The following SH3PXD2A variants were observed in gnomAD, a reference collection of about 807,000 sequenced individuals.
SH3PXD2A encodes SH3 and PX domain-containing protein 2A.
SH3PXD2A carries 32 observed loss-of-function variants against 115.2 expected under a neutral mutation model. That is an observed-to-expected ratio of 0.28 (90% CI 0.21 to 0.37). The LOEUF is 0.37. SH3PXD2A is among the 10% of genes least tolerant of loss of function. The pLI is 1.00. For synonymous variants in SH3PXD2A, 610 were observed against 629.1 expected (o/e 0.97, Z 0.45); for missense variants, 1,328 against 1,498.7 (o/e 0.89, Z 1.88).
At chr10:103,854,908 C>G (rs1200962851) in intron 1 of SH3PXD2A, among the ~76,000 whole-genome samples, 1 of 152,216 alleles carries the variant, frequency 6.6e-6, no homozygotes, top group Non-Finnish European at 1.5e-5. Flanking sequence ...AAGCTCCCCC[C>G]ACCATCCATC....
intron 8 of SH3PXD2A, among the ~76,000 whole-genome samples, chr10:103,658,181 G>C (rs1009279942): frequency 6.6e-6 from 1 of 152,182 alleles, no homozygotes; most frequent in Admixed American, 6.5e-5. Flanking sequence ...AGCACAGAGG[G>C]GCTCTGATGA....
chr10:103,791,095 C>G (rs578262568), intron 2 of SH3PXD2A, among the ~76,000 whole-genome samples: 1 of 152,332 alleles, frequency 6.6e-6, no homozygotes, highest in East Asian at 1.9e-4. Context: ...AAATTTAGAG[C>G]CAATGAACAG....
intron 2 of SH3PXD2A, among the ~76,000 whole-genome samples, chr10:103,769,338 T>C (rs1349284580): frequency 6.6e-6 from 1 of 152,116 alleles, no homozygotes; most frequent in Non-Finnish European, 1.5e-5. Context: ...GGTGATTACA[T>C]TCAAAACAAG....
At chr10:103,659,088 C>T (rs2037253325) in intron 8 of SH3PXD2A, among the ~76,000 whole-genome samples, 1 of 152,226 alleles carries the variant, frequency 6.6e-6, no homozygotes, top group Non-Finnish European at 1.5e-5. Context: ...CAGGCATCTC[C>T]CCCTTTGTCA....
chr10:103,643,956 C>CA (rs901728736), intron 8 of SH3PXD2A, among the ~76,000 whole-genome samples: 13 of 150,148 alleles, frequency 8.7e-5, no homozygotes, highest in African/African-American at 2.4e-4. Flanking sequence ...CTAAAAAATA[C>CA]AAAAAAAAAT....
chr10:103,608,150 T>TAAAAAAAAAAAAAAAAAAAGTTTAAAA (rs1554903070), intron 13 of SH3PXD2A, among the ~76,000 whole-genome samples: 1 of 32,670 alleles, frequency 3.1e-5, no homozygotes, highest in Non-Finnish European at 4.5e-5. Flanking sequence ...ATGATCAATT[T>TAAAAAAAAAAAAAAAAAAAGTTTAAAA]AAAAAAAAAA....
At chr10:103,753,737 T>C (rs370580566) in intron 3 of SH3PXD2A, 1 of 152,220 alleles carries the variant, frequency 6.6e-6, no homozygotes, top group African/African-American at 2.4e-5. Flanking sequence ...GTAGTAGCTA[T>C]AATCCTTAAG....
intron 6 of SH3PXD2A, among the ~76,000 whole-genome samples, chr10:103,692,767 A>G (rs1339284941): frequency 6.6e-6 from 1 of 151,642 alleles, no homozygotes; most frequent in Non-Finnish European, 1.5e-5. Flanking sequence ...CCACCCCCAC[A>G]CCCACTAGGG....
rs879655 is a variant in SH3PXD2A, at chr10:103,666,921, A to G, written c.472+1687T>C. On this transcript the variant is annotated intron_variant, in intron 7 of 14. Coordinates refer to ENST00000369774, the MANE Select transcript of SH3PXD2A (RefSeq NM_001394015.1). The surrounding 1 kb of genome is among the most constrained non-coding windows in gnomAD (Gnocchi z 4.5). ...GGAGGCCGGGGGCTGTGTCCCTGCA[A>G]CATGCCCCTCCCAGACCCTACCTTC... Among the ~76,000 whole-genome samples the G allele has an allele frequency of 0.16, 24,368 of 152,092 alleles. 2,210 individuals carry two copies. The highest frequency in any genetic ancestry group is 0.21 in the Non-Finnish European group (13,995 of 67,960).
At chr10:103,690,746 C>T (rs1210055876) in intron 6 of SH3PXD2A, among the ~76,000 whole-genome samples, 6 of 152,150 alleles carry the variant, frequency 3.9e-5, no homozygotes, top group Admixed American at 1.3e-4. Context: ...ACATAATAAA[C>T]CATCACAAAA....
At chr10:103,616,961 T>C (rs2036527724) in intron 11 of SH3PXD2A, among the ~76,000 whole-genome samples, 1 of 152,300 alleles carries the variant, frequency 6.6e-6, no homozygotes, top group African/African-American at 2.4e-5. Context: ...CCGGGGCCTC[T>C]GTGCCCCGCT....
In SH3PXD2A at chr10:103,602,887, A is replaced by G. The variant is rs2036240459; in HGVS notation, c.2331T>C (p.Thr777=). 6.2e-7 allele frequency: 1 copy of G among 1,613,792 alleles called. No individual in the cohort carries two copies. Among genetic ancestry groups the G allele is most frequent in the African/African-American group, 1.3e-5 (1 of 74,916 alleles). The change falls in exon 15 of 15, where the codon ACT becomes ACC. Residue 777 remains threonine (T), a synonymous_variant. Transcript: ENST00000369774. ...CTGTGGGTCTCAGCTGGCGCCGTAA[A>G]GTGCTGATGTCCATCTTCTCTTGGC... ...SQSQEKMDIS[T]LRRQLRPTGQ...
At position 103,662,695 on chromosome 10, in the gene SH3PXD2A, G is replaced by A. The variant is rs562451995; in HGVS notation, c.473-1581C>T. Among the ~76,000 whole-genome samples the A allele has an allele frequency of 1.6e-3, 244 of 152,194 alleles. 2 individuals carry two copies. Among genetic ancestry groups the A allele is most frequent in the African/African-American group, 5.4e-3 (224 of 41,524 alleles). ...ATTACAGGCGTGAGCCACCGCGCCC[G>A]GCCTATGATGTGCTTTTAGCTAGGA... On this transcript the variant is annotated intron_variant, in intron 7 of 14. Coordinates refer to ENST00000369774, the MANE Select transcript of SH3PXD2A (RefSeq NM_001394015.1).
intron 1 of SH3PXD2A, among the ~76,000 whole-genome samples, chr10:103,805,889 G>A (rs764802826): frequency 4.6e-5 from 7 of 152,192 alleles, no homozygotes; most frequent in Non-Finnish European, 8.8e-5. Flanking sequence ...AAATTCACAC[G>A]AAGTCATCTC....
chr10:103,703,042 T>G, intron 5 of SH3PXD2A, among the ~76,000 whole-genome samples: 1 of 152,194 alleles, frequency 6.6e-6, no homozygotes, highest in East Asian at 1.9e-4. Flanking sequence ...TCCCCAGCCC[T>G]GGCCTAGTTT....
intron 4 of SH3PXD2A, among the ~76,000 whole-genome samples, chr10:103,733,083 A>C (rs2038341075): frequency 6.6e-6 from 1 of 152,044 alleles, no homozygotes; most frequent in Admixed American, 6.5e-5. Context: ...TCTCAGAGTA[A>C]ATCACCGCCT....
chr10:103,672,022 C>T (rs1423284575), intron 6 of SH3PXD2A, among the ~76,000 whole-genome samples: 3 of 152,216 alleles, frequency 2.0e-5, no homozygotes, highest in African/African-American at 7.2e-5. Flanking sequence ...GGCGGTGGCT[C>T]ACCCTGTAAT....
In SH3PXD2A at chr10:103,601,714, A is replaced by AC. The variant is rs1156310876; in HGVS notation, c.*101dup. 2.0e-5 allele frequency: 2 copies of AC among 100,854 alleles called. No homozygotes were observed. The highest frequency in any genetic ancestry group is 2.3e-4 in the East Asian group (1 of 4,370). The allele number at this position is 100,854 out of a possible 1,614,324, so 6.2% of individuals were successfully genotyped here. A position where few individuals can be genotyped will look rare whatever the true frequency, so the allele number is the denominator to read the frequency against. On this transcript the variant is annotated 3_prime_UTR_variant, in exon 15 of 15. Transcript: ENST00000369774. ...CAGTGTTGAATGTTGTCCACCCCCC[A>AC]CCCCCCACCCCCATTTTTTCCTTTC...
intron 6 of SH3PXD2A, among the ~76,000 whole-genome samples, chr10:103,691,783 A>G (rs577505931): frequency 6.6e-6 from 1 of 152,154 alleles, no homozygotes; most frequent in Non-Finnish European, 1.5e-5. Flanking sequence ...CCAAACAAGT[A>G]AACATACCCT....
Sources: gnomAD v4.1 joint callset for allele counts (sites outside exome capture counted in the v4.1 genomes callset) on GRCh38, gnomAD v4.1.1 for gene constraint, Gnocchi (gnomAD v3.1) non-coding constraint, MANE v1.5 for transcripts, NCBI Gene and HGNC (gene_info 2026-07-23, HGNC 2026-07-21) for gene names.